Variants in ZNF747 observed in about 807,000 individuals in gnomAD.
The protein encoded by ZNF747 is KRAB domain-containing protein ZNF747.
A neutral mutation model predicts 13.4 loss-of-function variants in ZNF747; 14 were observed. That is an observed-to-expected ratio of 1.04 (90% confidence interval 0.69 to 1.63). The LOEUF is 1.63. Ranked by LOEUF, ZNF747 falls within the 40% of genes most tolerant of loss-of-function variation. ZNF747 has a pLI of 0.00. For missense variants in ZNF747, 532 were observed against 477.9 expected (o/e 1.11, Z -1.05); for synonymous variants, 212 against 206.5 (o/e 1.03, Z -0.23).
At position 30,532,570 on chromosome 16, in the gene ZNF747, G is replaced by A. The variant is rs1224434177; in HGVS notation, c.925C>T (p.Pro309Ser). 1 of 1,581,466 alleles carries A rather than the reference G, an allele frequency of 6.3e-7. No individual in the cohort carries two copies. The highest frequency in any genetic ancestry group is 1.8e-5 in the Admixed American group (1 of 56,728). ...RPGGLSVTLT[P>S]VRGDLDPPVG... ...GGCGGGTCCAGGTCCCCGCGGACAG[G>A]AGTCAGGGTCACAGACAGCCCCCCA... Residue 309 changes from proline to serine, a missense_variant, in exon 3 of 3, where the codon CCT (proline) becomes TCT (serine). By Grantham distance (74) the Pro-to-Ser change is moderately conservative. Coordinates refer to ENST00000693075, the MANE Select transcript of ZNF747 (RefSeq NM_001305018.2).
rs1203853803 is a variant in ZNF747 at position 30,534,206 on chromosome 16, C to T, written c.334G>A (p.Ala112Thr). 5.6e-6 allele frequency: 9 copies of T among 1,610,714 alleles called. No homozygotes were observed. Among genetic ancestry groups the T allele is most frequent in the Non-Finnish European group, 6.8e-6 (8 of 1,178,494 alleles). The change falls in exon 2 of 3, where the codon GCG (alanine) becomes ACG (threonine). Residue 112 changes from alanine (A) to threonine (T), a missense_variant. Transcript: ENST00000693075. The part of the protein sequence containing the change: ...DPEVAKCPTE[A>T]DPADSRNKEE... ...GCACCCGATACTCCACCTGGGTCCG[C>T]TTCTGTCGGACACTTCGCCACCTCC...
At position 30,532,611 on chromosome 16, in the gene ZNF747, C is replaced by A; in HGVS notation, c.884G>T (p.Arg295Leu). The change falls in exon 3 of 3, where the codon CGT (arginine) becomes CTT (leucine). Residue 295 changes from arginine to leucine, a missense_variant. By Grantham distance (102) the Arg-to-Leu change is moderately radical. Transcript: ENST00000693075. ...QWVHRPGGEG[R>L]RGRRPGGLSV... is the part of the protein sequence containing the mutation. ...CAGCCCCCCAGGGCGCCGGCCCCTA[C>A]GCCCCTCGCCCCCGGGCCGATGGAC... 1 of 1,552,008 alleles carries A rather than the reference C, an allele frequency of 6.4e-7. No individual in the cohort carries two copies. Among genetic ancestry groups the A allele is most frequent in the Non-Finnish European group, 8.7e-7 (1 of 1,152,278 alleles).
At position 30,534,682 on chromosome 16, in the gene ZNF747, C is replaced by A. The variant is rs771170162; in HGVS notation, c.-3G>T. 5 of 1,530,110 alleles carry A rather than the reference C, an allele frequency of 3.3e-6. No homozygotes were observed. Among genetic ancestry groups the A allele is most frequent in the African/African-American group, 2.7e-5 (2 of 73,028 alleles). 94.8% of individuals were successfully genotyped at this position (1,530,110 alleles called of 1,614,324 possible). On this transcript the variant is annotated 5_prime_UTR_variant, in exon 1 of 3. Transcript: ENST00000693075. The stretch of plus-strand genomic sequence containing the variant: ...AGCCCCAGCGACGGATCGGTCATCT[C>A]CCCTGGCCAGGCCTGGGCATGCGGA...
In ZNF747 at chr16:30,534,790, G is replaced by C; in HGVS notation, c.-111C>G. On this transcript the variant is annotated 5_prime_UTR_variant, in exon 1 of 3. Coordinates refer to ENST00000693075, the MANE Select transcript of ZNF747 (RefSeq NM_001305018.2). ...GTAGAGCCCCCGAAGGCCCACTAGA[G>C]GGGATGGAAACTAAGGGCCGATGGC... The C allele has an allele frequency of 7.1e-7, 1 of 1,417,416 alleles. No homozygotes were observed. Among genetic ancestry groups the C allele is most frequent in the Non-Finnish European group, 9.2e-7 (1 of 1,082,852 alleles). The allele number at this position is 1,417,416 out of a possible 1,614,324, so 87.8% of individuals were successfully genotyped here. A position where few individuals can be genotyped will look rare whatever the true frequency, so the allele number is the denominator to read the frequency against.
chr16:30,533,180 C>T, intron 2 of ZNF747, 29 bp from the exon 3 acceptor site: 2 of 1,611,848 alleles, frequency 1.2e-6, no homozygotes, highest in Non-Finnish European at 1.7e-6. Context: ...AGAGTTCAGG[C>T]TTGGCTCATC....
chr16:30,533,329 C>A (rs141592488), intron 2 of ZNF747, among the ~76,000 whole-genome samples, 178 bp from the exon 3 acceptor site: 1 of 152,132 alleles, frequency 6.6e-6, no homozygotes, highest in Non-Finnish European at 1.5e-5. Context: ...CAGTCCATTC[C>A]GCCTCCGGGC....
Position 30,534,501 on chromosome 16 carries a change from G to C in ZNF747, c.179C>G (p.Ala60Gly). The change falls in exon 1 of 3, where the codon GCC becomes GGC. Residue 60 changes from alanine (A) to glycine (G), a missense_variant. By Grantham distance (60) the Ala-to-Gly change is moderately conservative. Coordinates refer to ENST00000693075, the MANE Select transcript of ZNF747 (RefSeq NM_001305018.2). ...CTCCCGCATCACGTCCCGGTACAGG[G>C]CCCTCTGCGCGGGCCGCAGGCAGCC... ...EWGCLRPAQR[A>G]LYRDVMRETY... The C allele has an allele frequency of 6.2e-7, 1 of 1,608,888 alleles. No individual in the cohort carries two copies. The highest frequency in any genetic ancestry group is 8.5e-7 in the Non-Finnish European group (1 of 1,178,068).
Position 30,534,780 on chromosome 16 carries a change from G to T in ZNF747, c.-101C>A. 7.0e-7 allele frequency: 1 copy of T among 1,429,286 alleles called. No individual in the cohort carries two copies. Among genetic ancestry groups the T allele is most frequent in the Non-Finnish European group, 9.2e-7 (1 of 1,091,688 alleles). 88.5% of individuals were successfully genotyped at this position (1,429,286 alleles called of 1,614,324 possible). A position where few individuals can be genotyped will look rare whatever the true frequency, so the allele number is the denominator to read the frequency against. On this transcript the variant is annotated 5_prime_UTR_variant, in exon 1 of 3. Transcript: ENST00000693075. ...AGGGACGTCAGTAGAGCCCCCGAAG[G>T]CCCACTAGAGGGGATGGAAACTAAG...
chr16:30,534,601 C>G lies in ZNF747; in HGVS notation c.79G>C (p.Ala27Pro), dbSNP rs1040409425. 6.3e-7 allele frequency: 1 copy of G among 1,598,566 alleles called. No individual in the cohort carries two copies. The highest frequency in any genetic ancestry group is 8.5e-7 in the Non-Finnish European group (1 of 1,174,882). ...APLPPRDPNGAGSEWRKPGAV... is the reference protein window; with the variant it reads ...APLPPRDPNGPGSEWRKPGAV... ...CCGGGCTTTCTCCACTCGGATCCCG[C>G]CCCGTTTGGGTCCCGGGGAGGGAGC... Residue 27 changes from alanine to proline, a missense_variant, in exon 1 of 3, where the codon GCG becomes CCG. Physicochemically the swap from Ala to Pro is conservative, Grantham distance 27. Coordinates refer to ENST00000693075, the MANE Select transcript of ZNF747 (RefSeq NM_001305018.2).
In ZNF747 at chr16:30,532,580, CACAG is replaced by C. The variant is rs747777678; in HGVS notation, c.911_914del (p.Ser304Ter). The C allele has an allele frequency of 1.9e-6, 3 of 1,576,478 alleles. No homozygotes were observed. The highest frequency in any genetic ancestry group is 2.3e-5 in the East Asian group (1 of 42,838). On this transcript the variant is annotated frameshift_variant, in exon 3 of 3. Coordinates refer to ENST00000693075, the MANE Select transcript of ZNF747 (RefSeq NM_001305018.2). LOFTEE classifies it high-confidence loss of function. ...GGTCCCCGCGGACAGGAGTCAGGGT[CACAG>C]ACAGCCCCCCAGGGCGCCGGCCCCT...
chr16:30,532,884 T>C lies in ZNF747; in HGVS notation c.611A>G (p.His204Arg). The C allele has an allele frequency of 1.4e-5, 22 of 1,596,614 alleles. No individual in the cohort carries two copies. Among genetic ancestry groups the C allele is most frequent in the Non-Finnish European group, 1.9e-5 (22 of 1,174,262 alleles). ...GCAGTGGAAGGGCTTCTCGCCCCTG[T>C]GGCTGTAAATGTGCTCCACCAGTGT... ...RSTLVEHIYSHRGEKPFHCAD... is the reference protein window; with the variant it reads ...RSTLVEHIYSRRGEKPFHCAD... The change falls in exon 3 of 3, where the codon CAC becomes CGC. Residue 204 changes from histidine to arginine, a missense_variant. By Grantham distance (29) the His-to-Arg change is conservative. Transcript: ENST00000693075.
chr16:30,534,058 AG>A (rs2051417924), intron 2 of ZNF747, 138 bp downstream of exon 2: 1 of 1,263,088 alleles, frequency 7.9e-7, no homozygotes, highest in South Asian at 1.7e-5. Context: ...GGAGCCAGGC[AG>A]GGGCTCAGCC....
rs1036796302 is a variant in ZNF747, at chr16:30,532,271, G to C, written c.*228C>G. On this transcript the variant is annotated 3_prime_UTR_variant, in exon 3 of 3. Coordinates refer to ENST00000693075, the MANE Select transcript of ZNF747 (RefSeq NM_001305018.2). ...GCTTCCCTGTATGGAGGTCTGGGGG[G>C]TTCTCACCTCAGCCCTGCCTCAGCA... The C allele has an allele frequency of 1.7e-6, 1 of 605,974 alleles. No individual in the cohort carries two copies. Among genetic ancestry groups the C allele is most frequent in the Non-Finnish European group, 2.9e-6 (1 of 342,534 alleles). The allele number at this position is 605,974 out of a possible 1,614,324, so 37.5% of individuals were successfully genotyped here.
rs942580420 is a variant in ZNF747 at position 30,532,657 on chromosome 16, C to T, written c.838G>A (p.Gly280Ser). ...QCGRCFGLKT[G>S]MAKHQWVHRP... ...TGGACCCATTGGTGCTTGGCCATGC[C>T]GGTCTTCAGGCCGAAGCAGCGGCCA... The change falls in exon 3 of 3, where the codon GGC (glycine) becomes AGC (serine). Residue 280 changes from glycine (G) to serine (S), a missense_variant. Gly to Ser is a moderately conservative substitution (Grantham distance 56). Transcript: ENST00000693075. The T allele has an allele frequency of 2.6e-6, 4 of 1,539,810 alleles. No homozygotes were observed. The highest frequency in any genetic ancestry group is 4.9e-5 in the East Asian group (2 of 40,940).
chr16:30,532,728 TGA>T lies in ZNF747; in HGVS notation c.765_766del (p.His256ProfsTer40). ...CTTCTCGCCAGTGTGAACGCGCAGG[TGA>T]GAAGTCAGCGCCGTGCGGCGCATGA... On this transcript the variant is annotated frameshift_variant, in exon 3 of 3. Coordinates refer to ENST00000693075, the MANE Select transcript of ZNF747 (RefSeq NM_001305018.2). LOFTEE classifies it low-confidence loss of function (END_TRUNC). 1 of 1,540,596 alleles carries T rather than the reference TGA, an allele frequency of 6.5e-7. No individual in the cohort carries two copies. The highest frequency in any genetic ancestry group is 8.7e-7 in the Non-Finnish European group (1 of 1,147,010).
rs1567502747 is a variant in ZNF747, at chr16:30,532,979, G to A, written c.516C>T (p.His172=). The part of the protein sequence containing the change: ...RRRSRPRFFA[H]PPVPRADQRH... ...GCTGGTCAGCTCGGGGGACAGGGGGGTGGGCAAAAAAGCGGGGGCGACTCC... is the reference window on the plus strand; with the variant it reads ...GCTGGTCAGCTCGGGGGACAGGGGGATGGGCAAAAAAGCGGGGGCGACTCC... Residue 172 remains histidine, a synonymous_variant, in exon 3 of 3, where the codon CAC becomes CAT. Transcript: ENST00000693075. 1 of 1,607,956 alleles carries A rather than the reference G, an allele frequency of 6.2e-7. No homozygotes were observed. The highest frequency in any genetic ancestry group is 1.1e-5 in the South Asian group (1 of 90,850).
Position 30,534,162 on chromosome 16 carries a change from G to A in ZNF747, c.343+35C>T, listed in dbSNP as rs1180759060. On this transcript the variant is annotated intron_variant, in intron 2 of 2. Coordinates refer to ENST00000693075, the MANE Select transcript of ZNF747 (RefSeq NM_001305018.2). ...GGTACCGGGATGGGACAGGAACAGA[G>A]AAGTCCCCATGGGACTGAGCACCCG... 4.4e-6 allele frequency: 7 copies of A among 1,595,666 alleles called. No individual in the cohort carries two copies. In the South Asian group the frequency reaches 4.5e-5, roughly 10 times the overall value.
intron 2 of ZNF747, among the ~76,000 whole-genome samples, chr16:30,533,597 A>T (rs988117094): frequency 6.6e-6 from 1 of 151,986 alleles, no homozygotes; most frequent in African/African-American, 2.4e-5. Flanking sequence ...GCGGGTCATG[A>T]TGTGGAGGTA....
chr16:30,534,136 G>A (rs2051418763), intron 2 of ZNF747, 61 bp downstream of exon 2: 2 of 1,529,884 alleles, frequency 1.3e-6, no homozygotes, highest in African/African-American at 1.4e-5. Flanking sequence ...AGGTGGCAGA[G>A]GGTACCGGGA....
Sources: gnomAD v4.1 joint callset for allele counts (sites outside exome capture counted in the v4.1 genomes callset) on GRCh38, gnomAD v4.1.1 for gene constraint, MANE v1.5 for transcripts, NCBI Gene and HGNC (gene_info 2026-07-23, HGNC 2026-07-21) for gene names.